The following TBC1D5 variants were observed in gnomAD, a reference collection of about 807,000 sequenced individuals.
TBC1D5 encodes TBC1 domain family member 5.
In TBC1D5, 75 loss-of-function variants were observed where a neutral mutation model predicts 100.3. The observed-to-expected ratio is 0.75, with a 90% confidence interval of 0.62 to 0.91. The LOEUF (loss-of-function observed/expected upper bound fraction) is 0.91, where lower values mean the gene tolerates loss of function less well. TBC1D5 is among the 40% of genes least tolerant of loss of function. The pLI is 0.00. For synonymous variants in TBC1D5, 323 were observed against 325.6 expected (o/e 0.99, Z 0.09); for missense variants, 910 against 942.4 (o/e 0.97, Z 0.45).
At position 17,165,503 on chromosome 3, in the gene TBC1D5, C is replaced by A. The variant is rs2066507367; in HGVS notation, c.2094+1264G>T. Among the ~76,000 whole-genome samples, 3 of 152,198 alleles carry A rather than the reference C, an allele frequency of 2.0e-5. No homozygotes were observed. The South Asian group carries it at 6.2e-4, about 32-fold the overall frequency. ...AATTAAACTGGCAGTATCACTGTTG[C>A]ATTCATGTGGCTACAAATGCAGAGT... On this transcript the variant is annotated intron_variant, in intron 21 of 21. Coordinates refer to ENST00000253692, the Ensembl canonical transcript of TBC1D5.
intron 1 of TBC1D5, among the ~76,000 whole-genome samples, chr3:17,663,608 G>C (rs375374027): frequency 6.6e-6 from 1 of 152,102 alleles, no homozygotes; most frequent in Non-Finnish European, 1.5e-5. Context: ...CAAAATTGCT[G>C]GTGGAAATGA....
intron 16 of TBC1D5, among the ~76,000 whole-genome samples, chr3:17,247,553 T>TA (rs1270090629): frequency 6.6e-6 from 1 of 152,228 alleles, no homozygotes. Flanking sequence ...GGCTTGTGAC[T>TA]AATCAGGGTG....
At chr3:17,523,660 G>A (rs896150499) in intron 2 of TBC1D5, among the ~76,000 whole-genome samples, 4 of 152,124 alleles carry the variant, frequency 2.6e-5, no homozygotes, top group East Asian at 1.9e-4. Context: ...CTGCAAAACA[G>A]ACATATAAAA....
intron 15 of TBC1D5, among the ~76,000 whole-genome samples, chr3:17,275,619 A>T (rs925158513): frequency 1.3e-5 from 2 of 152,202 alleles, no homozygotes; most frequent in African/African-American, 4.8e-5. Context: ...TATCCCTTGT[A>T]TGATTAATAT....
chr3:17,219,358 T>G (rs945886973), intron 17 of TBC1D5, among the ~76,000 whole-genome samples: 5 of 152,094 alleles, frequency 3.3e-5, no homozygotes, highest in Non-Finnish European at 1.5e-5. Flanking sequence ...CTTGCAGTTC[T>G]TTGACATATT....
chr3:17,184,507 T>C lies in TBC1D5; in HGVS notation c.1852+602A>G, dbSNP rs2068785552. 6 of 152,256 alleles carry C rather than the reference T, an allele frequency of 3.9e-5. No homozygotes were observed. In the South Asian group the frequency reaches 1.2e-3, roughly 32 times the overall value. The allele number at this position is 152,256 out of a possible 1,614,324, so 9.4% of individuals were successfully genotyped here. ...CTAGGAGTTGAGATTTGTAGTCAGA[T>C]TGCTTTTAAAGAATTTTTTATTTTA... On this transcript the variant is annotated intron_variant, in intron 19 of 21. Coordinates refer to ENST00000253692, the Ensembl canonical transcript of TBC1D5.
intron 1 of TBC1D5, among the ~76,000 whole-genome samples, chr3:17,718,965 C>G (rs576938236): frequency 1.3e-5 from 2 of 152,310 alleles, no homozygotes; most frequent in South Asian, 4.1e-4. Flanking sequence ...ACAAATTCTT[C>G]TTACATAATC....
chr3:17,564,377 A>G (rs1008083617), intron 2 of TBC1D5, among the ~76,000 whole-genome samples: 22 of 152,192 alleles, frequency 1.4e-4, no homozygotes, highest in Non-Finnish European at 2.4e-4. Flanking sequence ...TGCATCTACT[A>G]TGAATCAAAT....
intron 3 of TBC1D5, among the ~76,000 whole-genome samples, chr3:17,508,026 AAG>A (rs2095861840): frequency 6.6e-6 from 1 of 152,116 alleles, no homozygotes; most frequent in African/African-American, 2.4e-5. Context: ...TAAAAAAAAA[AAG>A]AGGATGAACA....
intron 9 of TBC1D5, among the ~76,000 whole-genome samples, chr3:17,379,139 G>C (rs976456050): frequency 6.7e-6 from 1 of 149,452 alleles, no homozygotes; most frequent in African/African-American, 2.5e-5. Context: ...TTTTATTCCA[G>C]GCTATGTCAT....
chr3:17,213,937 G>C (rs1482906977), intron 18 of TBC1D5, among the ~76,000 whole-genome samples: 1 of 150,300 alleles, frequency 6.7e-6, no homozygotes, highest in Non-Finnish European at 1.5e-5. Context: ...TGACAAAAAG[G>C]CATTTGTAGA....
intron 8 of TBC1D5, among the ~76,000 whole-genome samples, chr3:17,385,501 T>C (rs1437265844): frequency 6.6e-6 from 1 of 152,264 alleles, no homozygotes; most frequent in East Asian, 1.9e-4. Flanking sequence ...TGCTACTTTG[T>C]TGGTGCCTTG....
In TBC1D5 at chr3:17,684,874, G is replaced by T. The variant is rs554772098; in HGVS notation, c.-101+54469C>A. On this transcript the variant is annotated intron_variant, in intron 1 of 21. Transcript: ENST00000253692. ...TACAGCAGTCAAATTTATTCGTCAA[G>T]AATCCAAATCTGAGTTGGACTTCAT... Among the ~76,000 whole-genome samples the T allele has an allele frequency of 3.9e-5, 6 of 152,028 alleles. No homozygotes were observed. The South Asian group carries it at 1.2e-3, about 32-fold the overall frequency.
At chr3:17,325,582 A>G (rs981062411) in intron 13 of TBC1D5, among the ~76,000 whole-genome samples, 1 of 152,188 alleles carries the variant, frequency 6.6e-6, no homozygotes, top group African/African-American at 2.4e-5. Flanking sequence ...TTGGCCTCCC[A>G]AAGTGCTGGG....
intron 14 of TBC1D5, among the ~76,000 whole-genome samples, chr3:17,304,859 C>G (rs1165439878): frequency 6.8e-6 from 1 of 146,784 alleles, no homozygotes; most frequent in African/African-American, 2.6e-5. Flanking sequence ...TGCCCCTGCA[C>G]TGTCCTCTAG....
At chr3:17,260,461 T>C (rs1329407848) in intron 15 of TBC1D5, among the ~76,000 whole-genome samples, 3 of 152,146 alleles carry the variant, frequency 2.0e-5, no homozygotes, top group Non-Finnish European at 4.4e-5. Flanking sequence ...TAAATGAGGC[T>C]CAAGTATTGC....
chr3:17,438,945 A>G (rs2149504760), intron 3 of TBC1D5, among the ~76,000 whole-genome samples: 1 of 152,220 alleles, frequency 6.6e-6, no homozygotes, highest in South Asian at 2.1e-4. Context: ...TAACAAAAAT[A>G]AAATACATAT....
chr3:17,679,943 T>C (rs2069212116), intron 1 of TBC1D5, among the ~76,000 whole-genome samples: 1 of 151,274 alleles, frequency 6.6e-6, no homozygotes, highest in African/African-American at 2.5e-5. Context: ...ACTCTCACAA[T>C]CGTGACAAGT....
chr3:17,493,326 T>C (rs1291039867), intron 3 of TBC1D5, among the ~76,000 whole-genome samples: 1 of 152,230 alleles, frequency 6.6e-6, no homozygotes, highest in Non-Finnish European at 1.5e-5. Flanking sequence ...TCTGATGGGT[T>C]TCCCTTTGTA....
Sources: allele counts gnomAD v4.1 joint callset (sites outside exome capture counted in the v4.1 genomes callset), GRCh38; gene constraint gnomAD v4.1.1; transcripts MANE v1.5; gene names NCBI Gene and HGNC (gene_info 2026-07-23, HGNC 2026-07-21).